Variants in RAD51B observed in about 807,000 individuals in gnomAD.
RAD51B encodes RAD51 paralog B, also known as DNA repair protein RAD51 homolog 2.
RAD51B carries 38 observed loss-of-function variants against 42.2 expected under a neutral mutation model. The ratio of observed to expected loss-of-function variants is 0.90; its 90% CI spans 0.70 to 1.18. The LOEUF (loss-of-function observed/expected upper bound fraction) is 1.18, where lower values mean the gene tolerates loss of function less well. Ranked by LOEUF, RAD51B falls within the 50% of genes most tolerant of loss-of-function variation. RAD51B has a pLI of 0.00. For synonymous variants in RAD51B, 154 were observed against 145.2 expected (o/e 1.06, Z -0.43); for missense variants, 373 against 400.7 (o/e 0.93, Z 0.59).
chr14:68,534,525 A>G (rs904609800), intron 10 of RAD51B, among the ~76,000 whole-genome samples: 2 of 152,174 alleles, frequency 1.3e-5, no homozygotes, highest in African/African-American at 2.4e-5. Context: ...GCTCTGGGAT[A>G]TGGGACAGTG....
intron 8 of RAD51B, among the ~76,000 whole-genome samples, chr14:68,377,846 A>G (rs2083402115): frequency 6.6e-6 from 1 of 152,228 alleles, no homozygotes. Flanking sequence ...AGACAAAATC[A>G]GCACTTCTCA....
chr14:68,479,962 C>T (rs914886403), downstream of RAD51B, among the ~76,000 whole-genome samples: 2 of 152,148 alleles, frequency 1.3e-5, no homozygotes, highest in Non-Finnish European at 2.9e-5. Context: ...TCTGGGATTA[C>T]AGGCATGAGC....
chr14:67,868,394 G>T (rs2042398609), intron 5 of RAD51B, among the ~76,000 whole-genome samples: 1 of 151,526 alleles, frequency 6.6e-6, no homozygotes, highest in Non-Finnish European at 1.5e-5. Flanking sequence ...AAAAAACAGA[G>T]CATCAGGAGA....
intron 8 of RAD51B, among the ~76,000 whole-genome samples, chr14:68,301,604 T>G (rs1337449703): frequency 1.5e-4 from 23 of 149,278 alleles, no homozygotes; most frequent in African/African-American, 4.2e-4. Flanking sequence ...TTTTTTTTTT[T>G]TTTTTTTTTT....
At chr14:67,997,215 G>T (rs1386829056) in intron 7 of RAD51B, among the ~76,000 whole-genome samples, 1 of 152,082 alleles carries the variant, frequency 6.6e-6, no homozygotes, top group Non-Finnish European at 1.5e-5. Flanking sequence ...CAAAAAACTA[G>T]ATACAATCCC....
chr14:68,327,592 A>G (rs1271329951), intron 8 of RAD51B, among the ~76,000 whole-genome samples: 1 of 151,978 alleles, frequency 6.6e-6, no homozygotes, highest in African/African-American at 2.4e-5. Context: ...ATATTACCCA[A>G]TGAGGTTATT....
chr14:68,064,890 A>G (rs1319079867), intron 7 of RAD51B, among the ~76,000 whole-genome samples: 2 of 151,898 alleles, frequency 1.3e-5, no homozygotes, highest in African/African-American at 4.8e-5. Flanking sequence ...TATTTTATCG[A>G]ATTGTCTATT....
At chr14:68,462,524 A>G (rs1034069036) in intron 9 of RAD51B, among the ~76,000 whole-genome samples, 13 of 152,206 alleles carry the variant, frequency 8.5e-5, no homozygotes, top group Non-Finnish European at 1.3e-4. Context: ...CATATTGGAT[A>G]TACCTTAAAT....
At chr14:68,649,980 G>A (rs1232611765) in intron 10 of RAD51B, among the ~76,000 whole-genome samples, 1 of 152,176 alleles carries the variant, frequency 6.6e-6, no homozygotes, top group East Asian at 1.9e-4. Context: ...GGCCTGGGCT[G>A]CAGGGCTCCT....
intron 7 of RAD51B, among the ~76,000 whole-genome samples, chr14:68,127,690 A>G (rs912511908): frequency 4.6e-5 from 7 of 151,812 alleles, no homozygotes; most frequent in South Asian, 2.1e-4. Context: ...CTGGAAAACC[A>G]CAAGTAACAA....
intron 7 of RAD51B, among the ~76,000 whole-genome samples, chr14:67,954,933 T>A (rs1253042391): frequency 6.6e-6 from 1 of 151,886 alleles, no homozygotes; most frequent in Admixed American, 6.6e-5. Context: ...TGGGAAGGAA[T>A]GTTTAGAGAT....
At chr14:68,379,540 A>T (rs998955432) in intron 8 of RAD51B, among the ~76,000 whole-genome samples, 1 of 152,140 alleles carries the variant, frequency 6.6e-6, no homozygotes, top group Non-Finnish European at 1.5e-5. Flanking sequence ...CAGTTAACCA[A>T]AATACTTACT....
rs113162381 is a variant in RAD51B, at chr14:68,595,347, G to A, written c.*744G>A. The A allele has an allele frequency of 6.1e-3, 6,530 of 1,066,372 alleles. 301 individuals are homozygous for A. The African/African-American group carries it at 0.095, about 16-fold the overall frequency. 66.1% of individuals were successfully genotyped at this position (1,066,372 alleles called of 1,614,324 possible). ...CTGCCTTGAAGAAAAGAAGACCAGG[G>A]CCAAAGGGAAATCAGTCAAGGGAGC... is the stretch of plus-strand genomic sequence containing the variant. On this transcript the variant is annotated 3_prime_UTR_variant, in exon 11 of 11. Coordinates refer to the RAD51B transcript ENST00000487270.
chr14:68,330,212 AAAT>A (rs1229107618), intron 8 of RAD51B, among the ~76,000 whole-genome samples: 2 of 152,174 alleles, frequency 1.3e-5, no homozygotes, highest in Non-Finnish European at 2.9e-5. Flanking sequence ...AAAGCAATTG[AAAT>A]GATTAAAAGC....
intron 4 of RAD51B, among the ~76,000 whole-genome samples, chr14:67,837,143 G>A (rs1440269234): frequency 6.6e-6 from 1 of 151,274 alleles, no homozygotes; most frequent in African/African-American, 2.4e-5. Flanking sequence ...TAATAAAAAT[G>A]CACACACACA....
At chr14:68,558,130 G>A (rs1041701213) in intron 10 of RAD51B, among the ~76,000 whole-genome samples, 6 of 152,200 alleles carry the variant, frequency 3.9e-5, no homozygotes, top group African/African-American at 1.2e-4. Flanking sequence ...TTGGGCTTAG[G>A]GTAGTGGCAG....
At chr14:67,838,506 A>G (rs926482410) in intron 4 of RAD51B, among the ~76,000 whole-genome samples, 1 of 152,254 alleles carries the variant, frequency 6.6e-6, no homozygotes, top group African/African-American at 2.4e-5. Context: ...GCAGTGGCAC[A>G]ACCATAGCTC....
chr14:67,896,941 C>T lies in RAD51B; in HGVS notation c.756+9737C>T, dbSNP rs749187510. On this transcript the variant is annotated intron_variant, in intron 7 of 10. Coordinates refer to ENST00000471583, the MANE Select transcript of RAD51B (RefSeq NM_133510.4). ...AATAGAGAGCCCAGAAATAAACCTG[C>T]GCATGTGTGGTCAATTGATCTTTGA... Among the ~76,000 whole-genome samples the T allele has an allele frequency of 3.9e-5, 6 of 152,074 alleles. No homozygotes were observed. In the East Asian group the frequency reaches 5.8e-4, roughly 15 times the overall value.
chr14:68,572,143 A>T (rs1889738119), intron 10 of RAD51B, among the ~76,000 whole-genome samples: 1 of 152,214 alleles, frequency 6.6e-6, no homozygotes, highest in Non-Finnish European at 1.5e-5. Flanking sequence ...AGAAGCAGGG[A>T]TGTTTGTAAT....
Sources: gnomAD v4.1 joint callset for allele counts (sites outside exome capture counted in the v4.1 genomes callset) on GRCh38, gnomAD v4.1.1 for gene constraint, MANE v1.5 for transcripts, NCBI Gene and HGNC (gene_info 2026-07-23, HGNC 2026-07-21) for gene names.